Variants in PIK3CA observed in about 807,000 individuals in gnomAD.
PIK3CA encodes the protein phosphatidylinositol-4,5-bisphosphate 3-kinase catalytic subunit alpha, also known as phosphatidylinositol 4,5-bisphosphate 3-kinase catalytic subunit alpha isoform.
A neutral mutation model predicts 138.2 loss-of-function variants in PIK3CA; 27 were observed. That is an observed-to-expected ratio of 0.20 (90% CI 0.14 to 0.27). The LOEUF is 0.27. Among genes scored for constraint, PIK3CA ranks in the 10% least tolerant of loss-of-function variants. PIK3CA has a pLI of 1.00. For synonymous variants in PIK3CA, 358 were observed against 413.2 expected (o/e 0.87, Z 1.62); for missense variants, 544 against 1,277.4 (o/e 0.43, Z 8.75).
intron 1 of PIK3CA, among the ~76,000 whole-genome samples, chr3:179,170,067 C>T (rs572974378): frequency 5.0e-4 from 17 of 33,666 alleles, no homozygotes; most frequent in East Asian, 9.5e-4. Context: ...CGCGTGCACA[C>T]GCGCGCGCGC....
chr3:179,173,330 G>T (rs916632531), intron 1 of PIK3CA, among the ~76,000 whole-genome samples: 1 of 150,428 alleles, frequency 6.6e-6, no homozygotes. Context: ...AGGCTGAGGC[G>T]GGTTGATCAC....
chr3:179,162,200 T>A (rs1723301474), intron 1 of PIK3CA, among the ~76,000 whole-genome samples: 2 of 152,206 alleles, frequency 1.3e-5, no homozygotes, highest in African/African-American at 4.8e-5. Context: ...TGTGAATTTA[T>A]GTGTATATAT....
In PIK3CA at chr3:179,201,659, G is replaced by A. The variant is rs141372015; in HGVS notation, c.813+119G>A. The A allele has an allele frequency of 2.2e-3, 1,435 of 653,954 alleles. 17 individuals are homozygous for A. In the African/African-American group the frequency reaches 0.025, roughly 12 times the overall value. The allele number at this position is 653,954 out of a possible 1,614,324, so 40.5% of individuals were successfully genotyped here. A position where few individuals can be genotyped will look rare whatever the true frequency, so the allele number is the denominator to read the frequency against. On this transcript the variant is annotated intron_variant, in intron 4 of 20. Coordinates refer to ENST00000263967, the MANE Select transcript of PIK3CA (RefSeq NM_006218.4). The stretch of plus-strand genomic sequence containing the variant: ...ATCTCACTCTCGCCCAGGCTGGAGT[G>A]CAGTGGCGCGATCTCGGCTCACTGC...
chr3:179,187,889 G>A (rs1288066561), intron 1 of PIK3CA, among the ~76,000 whole-genome samples: 4 of 152,066 alleles, frequency 2.6e-5, no homozygotes, highest in Middle Eastern at 3.4e-3. Flanking sequence ...CGCCCGCCTC[G>A]GCCTCCCAAA....
intron 1 of PIK3CA, among the ~76,000 whole-genome samples, chr3:179,149,144 C>T (rs1722940772): frequency 6.6e-6 from 1 of 152,252 alleles, no homozygotes; most frequent in Admixed American, 6.5e-5. Context: ...AGGAACACCG[C>T]TCCCCTCACC....
chr3:179,150,369 G>T (rs1722985971), intron 1 of PIK3CA, among the ~76,000 whole-genome samples: 1 of 152,038 alleles, frequency 6.6e-6, no homozygotes, highest in Non-Finnish European at 1.5e-5. Flanking sequence ...CATCATGGGG[G>T]AAATAACAAG....
intron 1 of PIK3CA, among the ~76,000 whole-genome samples, chr3:179,187,677 G>T (rs183851400): frequency 1.3e-5 from 2 of 150,620 alleles, no homozygotes; most frequent in Non-Finnish European, 3.0e-5. Flanking sequence ...TTGCTCTGTC[G>T]CCCAGGGTGG....
intron 2 of PIK3CA, 63 bp downstream of exon 2, chr3:179,199,240 T>TA: frequency 1.8e-6 from 2 of 1,100,854 alleles, no homozygotes; most frequent in Non-Finnish European, 2.6e-6. Context: ...TGTCCCTTTC[T>TA]AAAATATTTC....
chr3:179,160,770 ATTATACT>A (rs766352273), intron 1 of PIK3CA, among the ~76,000 whole-genome samples: 5 of 152,242 alleles, frequency 3.3e-5, no homozygotes, highest in Non-Finnish European at 7.3e-5. Flanking sequence ...AACCACATAC[ATTATACT>A]TTATGGATGA....
chr3:179,155,359 C>A (rs776198359), intron 1 of PIK3CA, among the ~76,000 whole-genome samples: 1 of 152,152 alleles, frequency 6.6e-6, no homozygotes, highest in Non-Finnish European at 1.5e-5. Context: ...AGGAGCCATA[C>A]GCTTTATCTG....
intron 1 of PIK3CA, among the ~76,000 whole-genome samples, chr3:179,190,291 A>G (rs974167873): frequency 1.3e-5 from 2 of 150,756 alleles, no homozygotes; most frequent in Non-Finnish European, 3.0e-5. Context: ...AAAAAAGTGC[A>G]CTATATATAT....
intron 1 of PIK3CA, among the ~76,000 whole-genome samples, chr3:179,187,736 C>G (rs188246632): frequency 0.031 from 4,756 of 151,324 alleles, 98 homozygotes; most frequent in Non-Finnish European, 0.05. Context: ...CTCCCGGGTT[C>G]AAGCTATTCT....
chr3:179,194,192 AT>A (rs1050616441), intron 1 of PIK3CA, among the ~76,000 whole-genome samples: 5 of 152,210 alleles, frequency 3.3e-5, no homozygotes, highest in Non-Finnish European at 7.4e-5. Flanking sequence ...GCATCATGTC[AT>A]TTTTAGCTCA....
intron 9 of PIK3CA, among the ~76,000 whole-genome samples, chr3:179,212,993 C>T (rs1724753867): frequency 6.6e-6 from 1 of 152,040 alleles, no homozygotes; most frequent in Non-Finnish European, 1.5e-5. Flanking sequence ...TTCAGTTGTA[C>T]AGGAGATCAG....
chr3:179,206,084 ATC>A (rs1306197869), intron 6 of PIK3CA, among the ~76,000 whole-genome samples: 22 of 128,448 alleles, frequency 1.7e-4, no homozygotes, highest in African/African-American at 3.4e-4. Flanking sequence ...CAACTTCAGG[ATC>A]TTTTTTTTTT....
At chr3:179,152,289 G>A (rs969469259) in intron 1 of PIK3CA, among the ~76,000 whole-genome samples, 3 of 152,210 alleles carry the variant, frequency 2.0e-5, no homozygotes, top group African/African-American at 7.2e-5. Context: ...ATCATATATA[G>A]TACTGCACTG....
intron 1 of PIK3CA, among the ~76,000 whole-genome samples, chr3:179,188,503 T>C (rs1333344834): frequency 6.6e-6 from 1 of 152,224 alleles, no homozygotes; most frequent in African/African-American, 2.4e-5. Flanking sequence ...AGTTCTGTAT[T>C]TTGAAATCAT....
rs144276754 is a variant in PIK3CA, at chr3:179,181,173, G to C, written c.-76-17577G>C. On this transcript the variant is annotated intron_variant, in intron 1 of 20. Coordinates refer to ENST00000263967, the MANE Select transcript of PIK3CA (RefSeq NM_006218.4). ...AGTAGTAAAAGCAGACAGATGGACA[G>C]TTCTGTTAGTTTTGGAGTGTGTGAA... is the stretch of plus-strand genomic sequence containing the variant. Among the ~76,000 whole-genome samples, 14 of 152,286 alleles carry C rather than the reference G, an allele frequency of 9.2e-5. No homozygotes were observed. In the East Asian group the frequency reaches 1.7e-3, roughly 19 times the overall value.
intron 6 of PIK3CA, among the ~76,000 whole-genome samples, chr3:179,206,916 C>T (rs72622565): frequency 0.048 from 6,333 of 130,948 alleles, 254 homozygotes; most frequent in East Asian, 0.12. Flanking sequence ...GAGACCCCGA[C>T]TCAAAAAAAA....
Sources: gnomAD v4.1 joint callset for allele counts (sites outside exome capture counted in the v4.1 genomes callset) on GRCh38, gnomAD v4.1.1 for gene constraint, MANE v1.5 for transcripts, NCBI Gene and HGNC (gene_info 2026-07-23, HGNC 2026-07-21) for gene names.